The following SCHIP1 variants were observed in gnomAD, a reference collection of about 807,000 sequenced individuals.
SCHIP1 encodes the protein schwannomin interacting protein 1, also known as schwannomin-interacting protein 1.
A neutral mutation model predicts 29.7 loss-of-function variants in SCHIP1; 8 were observed. That is an observed-to-expected ratio of 0.27 (90% CI 0.16 to 0.49). SCHIP1 has a LOEUF of 0.49. Ranked by LOEUF, SCHIP1 falls within the 20% of genes least tolerant of loss-of-function variation. The pLI is 0.99. For missense variants in SCHIP1, 193 were observed against 294.6 expected (o/e 0.66, Z 2.52); for synonymous variants, 76 against 94.9 (o/e 0.80, Z 1.16).
chr3:159,478,895 T>C, the SCHIP1 span, among the ~76,000 whole-genome samples: 1 of 152,170 alleles, frequency 6.6e-6, no homozygotes, highest in Non-Finnish European at 1.5e-5. Flanking sequence ...TACTGAGTTT[T>C]TGTATGACGA....
the SCHIP1 span, among the ~76,000 whole-genome samples, chr3:159,594,248 T>C: frequency 6.6e-6 from 1 of 152,234 alleles, no homozygotes; most frequent in Non-Finnish European, 1.5e-5. Flanking sequence ...GAGGCCAGCA[T>C]TGATGGCTGG....
the SCHIP1 span, among the ~76,000 whole-genome samples, chr3:159,727,365 T>C: frequency 3.9e-5 from 6 of 152,190 alleles, no homozygotes; most frequent in Admixed American, 1.3e-4. Context: ...GAACATAAGT[T>C]CCATGAGTAT....
the SCHIP1 span, among the ~76,000 whole-genome samples, chr3:159,711,285 C>T: frequency 9.7e-5 from 7 of 72,510 alleles, no homozygotes; most frequent in South Asian, 8.4e-4. Context: ...GGCGTGAACC[C>T]GGGAGGCGGA....
chr3:159,558,920 T>C, the SCHIP1 span, among the ~76,000 whole-genome samples: 2 of 152,118 alleles, frequency 1.3e-5, no homozygotes, highest in African/African-American at 4.8e-5. Flanking sequence ...ACACACTTTT[T>C]ATAAATATAG....
At chr3:159,754,072 AC>A in the SCHIP1 span, among the ~76,000 whole-genome samples, 64,560 of 151,966 alleles carry the variant, frequency 0.42, 14,873 homozygotes, top group Middle Eastern at 0.54. Context: ...CTTAAATCCC[AC>A]TTGGAGAAAA....
chr3:159,284,637 C>T, the SCHIP1 span, among the ~76,000 whole-genome samples: 33 of 152,070 alleles, frequency 2.2e-4, no homozygotes, highest in Middle Eastern at 3.4e-3. Context: ...TACAGGTGTA[C>T]GCCACCACAC....
At chr3:159,635,650 T>C in the SCHIP1 span, among the ~76,000 whole-genome samples, 1 of 152,224 alleles carries the variant, frequency 6.6e-6, no homozygotes, top group Non-Finnish European at 1.5e-5. Flanking sequence ...TTTCTCCTCC[T>C]TTGTGAGTCT....
At chr3:159,367,496 C>T in the SCHIP1 span, among the ~76,000 whole-genome samples, 1 of 151,670 alleles carries the variant, frequency 6.6e-6, no homozygotes, top group Non-Finnish European at 1.5e-5. Flanking sequence ...CTTCAATCTT[C>T]TGTGAAATTC....
the SCHIP1 span, among the ~76,000 whole-genome samples, chr3:159,564,777 T>C: frequency 6.6e-6 from 1 of 152,224 alleles, no homozygotes; most frequent in Non-Finnish European, 1.5e-5. Context: ...GATTAATCCA[T>C]TGTTGTTTCA....
At chr3:159,544,611 GCATCGTTT>G in the SCHIP1 span, among the ~76,000 whole-genome samples, 67 of 152,182 alleles carry the variant, frequency 4.4e-4, no homozygotes, top group Non-Finnish European at 7.4e-4. Flanking sequence ...ATGAAGTTAA[GCATCGTTT>G]CATGTTTTCT....
the SCHIP1 span, among the ~76,000 whole-genome samples, chr3:159,828,575 T>C: frequency 6.6e-6 from 1 of 151,688 alleles, no homozygotes; most frequent in Non-Finnish European, 1.5e-5. Flanking sequence ...TATCGTACTT[T>C]TGACATTTTT....
the SCHIP1 span, among the ~76,000 whole-genome samples, chr3:159,629,556 C>G: frequency 1.1e-3 from 169 of 152,248 alleles, no homozygotes; most frequent in African/African-American, 3.9e-3. Context: ...ATTGTGATTT[C>G]CAGAATGAAA....
chr3:159,704,205 C>T, the SCHIP1 span, among the ~76,000 whole-genome samples: 10 of 151,848 alleles, frequency 6.6e-5, no homozygotes, highest in Non-Finnish European at 1.3e-4. Flanking sequence ...GAGGCCAAGG[C>T]GGATGGATTG....
At chr3:159,717,924 C>CA in the SCHIP1 span, among the ~76,000 whole-genome samples, 3 of 151,926 alleles carry the variant, frequency 2.0e-5, no homozygotes, top group African/African-American at 7.3e-5. Flanking sequence ...AGAGACACAA[C>CA]AAAAAAAGAG....
chr3:159,542,090 A>G, the SCHIP1 span, among the ~76,000 whole-genome samples: 1 of 152,088 alleles, frequency 6.6e-6, no homozygotes, highest in African/African-American at 2.4e-5. Flanking sequence ...AAATGAAAAC[A>G]CGGTGTATCA....
the SCHIP1 span, among the ~76,000 whole-genome samples, chr3:159,423,067 G>A: frequency 6.6e-6 from 1 of 152,214 alleles, no homozygotes; most frequent in Non-Finnish European, 1.5e-5. Context: ...TGTCATGGCA[G>A]GGGGAGGAGC....
the SCHIP1 span, among the ~76,000 whole-genome samples, chr3:159,828,474 C>CGTATATAT: frequency 8.6e-6 from 1 of 115,728 alleles, no homozygotes; most frequent in Non-Finnish European, 1.8e-5. Context: ...TATATATACA[C>CGTATATAT]ACACATACAC....
At chr3:159,336,721 T>G in the SCHIP1 span, among the ~76,000 whole-genome samples, 1 of 152,340 alleles carries the variant, frequency 6.6e-6, no homozygotes, top group Non-Finnish European at 1.5e-5. Context: ...TTTGGTACAG[T>G]ACCGTGCTGT....
the SCHIP1 span, among the ~76,000 whole-genome samples, chr3:159,547,217 C>T: frequency 1.3e-5 from 2 of 152,122 alleles, no homozygotes; most frequent in Non-Finnish European, 2.9e-5. Context: ...TTAATGCCTT[C>T]TTTTGCAAAG....
Sources: allele counts gnomAD v4.1 joint callset (sites outside exome capture counted in the v4.1 genomes callset), GRCh38; gene constraint gnomAD v4.1.1; transcripts MANE v1.5; gene names NCBI Gene and HGNC (gene_info 2026-07-23, HGNC 2026-07-21).